CCDC7: variants seen among roughly 807,000 people sequenced by gnomAD.
The protein encoded by CCDC7 is coiled-coil domain-containing protein 7.
CCDC7 carries 183 observed loss-of-function variants against 196.9 expected under a neutral mutation model. The observed-to-expected ratio is 0.93, with a 90% CI of 0.82 to 1.05. The LOEUF (loss-of-function observed/expected upper bound fraction) is 1.05, where lower values mean the gene tolerates loss of function less well. Ranked by LOEUF, CCDC7 falls within the 50% of genes least tolerant of loss-of-function variation. CCDC7 has a pLI of 0.00. For synonymous variants in CCDC7, 525 were observed against 484.6 expected, an observed-to-expected ratio of 1.08 and a Z score of -1.10; for missense variants, 1,540 against 1,482.2, an observed-to-expected ratio of 1.04 and a Z score of -0.64.
intron 30 of CCDC7, among the ~76,000 whole-genome samples, chr10:32,812,622 A>T (rs1038077072): frequency 6.6e-6 from 1 of 152,122 alleles, no homozygotes; most frequent in Admixed American, 6.5e-5. Context: ...TATTTAAAAT[A>T]CTCAGTGAAC....
Position 32,803,847 on chromosome 10 carries a change from G to A in CCDC7, c.3014-1168G>A, listed in dbSNP as rs116862859. 8.1e-3 allele frequency among the ~76,000 whole-genome samples: 1,236 copies of A among 151,838 alleles called. 8 individuals are homozygous for A. The highest frequency in any genetic ancestry group is 0.02 in the Middle Eastern group (6 of 294). The stretch of plus-strand genomic sequence containing the variant: ...TTGTAATTGGTGGCTTTTTATATTC[G>A]TCTTTTCATTTGTGTGTCCCTCTTC... On this transcript the variant is annotated intron_variant, in intron 29 of 41. Transcript: ENST00000639629.
chr10:32,868,509 C>A (rs982606879), intron 41 of CCDC7, among the ~76,000 whole-genome samples: 2 of 151,812 alleles, frequency 1.3e-5, no homozygotes, highest in African/African-American at 4.8e-5. Flanking sequence ...ATGTGCCAGA[C>A]AAGAAGTTGT....
rs57829018 is a variant in CCDC7 at position 32,681,738 on chromosome 10, T to TACACACACACACAC, written c.2123-4198_2123-4185dup. 3.3e-3 allele frequency among the ~76,000 whole-genome samples: 451 copies of TACACACACACACAC among 137,626 alleles called. 6 individuals carry two copies. Among genetic ancestry groups the TACACACACACACAC allele is most frequent in the African/African-American group, 0.012 (409 of 35,124 alleles). The allele number at this position is 137,626 out of a possible 152,430, so 90.3% of individuals were successfully genotyped here. On this transcript the variant is annotated intron_variant, in intron 21 of 41. Coordinates refer to ENST00000639629, the Ensembl canonical transcript of CCDC7. The stretch of plus-strand genomic sequence containing the variant: ...GGATTCTTCAGTGTATTTATATGTA[T>TACACACACACACAC]ACACACACACACACACACACACACA...
chr10:32,837,075 G>A (rs560027744), intron 33 of CCDC7, among the ~76,000 whole-genome samples: 2 of 152,044 alleles, frequency 1.3e-5, no homozygotes, highest in African/African-American at 2.4e-5. Flanking sequence ...TTGACAAACG[G>A]GATCTAATTA....
intron 29 of CCDC7, among the ~76,000 whole-genome samples, chr10:32,785,383 T>C (rs952895706): frequency 6.6e-6 from 1 of 152,184 alleles, no homozygotes; most frequent in Non-Finnish European, 1.5e-5. Flanking sequence ...GAAGAAAACA[T>C]AATGGACACT....
At chr10:32,872,932 T>A (rs1384599131) in intron 41 of CCDC7, among the ~76,000 whole-genome samples, 1 of 152,160 alleles carries the variant, frequency 6.6e-6, no homozygotes, top group Non-Finnish European at 1.5e-5. Flanking sequence ...GGGCTTCCCT[T>A]TGTGGGTAAC....
intron 25 of CCDC7, among the ~76,000 whole-genome samples, chr10:32,720,496 A>T (rs1830835174): frequency 6.6e-6 from 1 of 152,132 alleles, no homozygotes; most frequent in Non-Finnish European, 1.5e-5. Context: ...TGGGTGCAGC[A>T]AACCACCATG....
chr10:32,515,791 C>T (rs762459486), intron 9 of CCDC7, among the ~76,000 whole-genome samples: 4 of 151,856 alleles, frequency 2.6e-5, no homozygotes, highest in South Asian at 2.1e-4. Flanking sequence ...CCGCCCACCT[C>T]GCCTCCCAAA....
intron 28 of CCDC7, among the ~76,000 whole-genome samples, chr10:32,731,571 A>C (rs2083974036): frequency 1.3e-5 from 2 of 152,230 alleles, no homozygotes; most frequent in South Asian, 4.1e-4. Flanking sequence ...ATGTGAATAC[A>C]CTTAGTAAAA....
chr10:32,800,556 A>G (rs984929411), intron 29 of CCDC7, among the ~76,000 whole-genome samples: 2 of 152,194 alleles, frequency 1.3e-5, no homozygotes, highest in South Asian at 4.1e-4. Context: ...CCCCGGAATC[A>G]ATGTCAGCTC....
chr10:32,460,233 T>C (rs2035342438), intron 3 of CCDC7, among the ~76,000 whole-genome samples: 1 of 152,224 alleles, frequency 6.6e-6, no homozygotes, highest in Non-Finnish European at 1.5e-5. Flanking sequence ...CGTATATGTG[T>C]ATTTAATCAC....
intron 13 of CCDC7, among the ~76,000 whole-genome samples, chr10:32,559,930 T>A (rs1387037104): frequency 2.6e-5 from 4 of 151,946 alleles, no homozygotes; most frequent in Non-Finnish European, 5.9e-5. Context: ...TTGAAAAAAA[T>A]TTAGACGAAT....
chr10:32,798,469 C>T (rs183944764), intron 29 of CCDC7, among the ~76,000 whole-genome samples: 9 of 152,332 alleles, frequency 5.9e-5, no homozygotes, highest in African/African-American at 1.7e-4. Flanking sequence ...ACGGGTCATC[C>T]TCTCCACTTG....
At chr10:32,546,141 A>C (rs906248631) in intron 13 of CCDC7, among the ~76,000 whole-genome samples, 1 of 152,190 alleles carries the variant, frequency 6.6e-6, no homozygotes, top group Non-Finnish European at 1.5e-5. Flanking sequence ...ACCACTGGGG[A>C]TAGACTCTAG....
chr10:32,836,625 A>G (rs370833144), intron 33 of CCDC7, among the ~76,000 whole-genome samples: 13 of 152,192 alleles, frequency 8.5e-5, no homozygotes, highest in Admixed American at 2.6e-4. Flanking sequence ...GCATTTCTCT[A>G]ATGGCCAGTG....
At chr10:32,486,068 C>G (rs1412564585) in intron 8 of CCDC7, among the ~76,000 whole-genome samples, 2 of 152,062 alleles carry the variant, frequency 1.3e-5, no homozygotes, top group South Asian at 4.1e-4. Flanking sequence ...CTTTCTGTCT[C>G]TTTGATCTGT....
intron 21 of CCDC7, among the ~76,000 whole-genome samples, chr10:32,664,846 G>T (rs1045268186): frequency 2.0e-5 from 3 of 152,012 alleles, no homozygotes; most frequent in African/African-American, 7.2e-5. Flanking sequence ...TGAAATTGTG[G>T]ATAATATTGT....
intron 26 of CCDC7, among the ~76,000 whole-genome samples, chr10:32,727,150 T>C (rs2083249172): frequency 6.6e-6 from 1 of 152,134 alleles, no homozygotes; most frequent in Non-Finnish European, 1.5e-5. Context: ...TCATACCCAA[T>C]GATCACTTAC....
intron 8 of CCDC7, among the ~76,000 whole-genome samples, chr10:32,483,878 A>G (rs1050529017): frequency 4.9e-4 from 75 of 152,142 alleles, no homozygotes; most frequent in East Asian, 3.8e-4. Context: ...TACCAGTACC[A>G]TGCTGTTTTG....
Sources: allele counts gnomAD v4.1 joint callset (sites outside exome capture counted in the v4.1 genomes callset), GRCh38; gene constraint gnomAD v4.1.1; transcripts MANE v1.5; gene names NCBI Gene and HGNC (gene_info 2026-07-23, HGNC 2026-07-21).